The following SEMA3D variants were observed in gnomAD, a reference collection of about 807,000 sequenced individuals.
SEMA3D encodes the protein semaphorin 3D.
A neutral mutation model predicts 100.1 loss-of-function variants in SEMA3D; 84 were observed. That is an observed-to-expected ratio of 0.84 (90% CI 0.70 to 1.01). SEMA3D has a LOEUF of 1.01. Ranked by LOEUF, SEMA3D falls within the 50% of genes least tolerant of loss-of-function variation. The pLI is 0.00. For missense variants in SEMA3D, 875 were observed against 934.1 expected (o/e 0.94, Z 0.82); for synonymous variants, 312 against 320.7 (o/e 0.97, Z 0.29).
At chr7:85,128,794 G>C (rs529264377) in intron 2 of SEMA3D, among the ~76,000 whole-genome samples, 2 of 150,684 alleles carry the variant, frequency 1.3e-5, no homozygotes, top group African/African-American at 2.4e-5. Context: ...GTGGCTCCAT[G>C]GTCTCTGTAT....
chr7:85,142,741 T>C (rs1790092322), intron 2 of SEMA3D: 4 of 984,358 alleles, frequency 4.1e-6, no homozygotes, highest in African/African-American at 1.7e-5. Context: ...ATGGCTCCTC[T>C]TGCTTTTACA....
At chr7:85,102,757 A>C (rs1283810816) in intron 3 of SEMA3D, among the ~76,000 whole-genome samples, 1 of 151,962 alleles carries the variant, frequency 6.6e-6, no homozygotes, top group Non-Finnish European at 1.5e-5. Context: ...GAGGAGGAAA[A>C]TGTTTAAGAG....
At chr7:85,162,425 T>C (rs780162024) in intron 1 of SEMA3D, among the ~76,000 whole-genome samples, 2 of 152,204 alleles carry the variant, frequency 1.3e-5, no homozygotes, top group Non-Finnish European at 2.9e-5. Flanking sequence ...GCAGGTGACG[T>C]AGATCAGGTA....
At chr7:85,063,130 A>G (rs1278385623) in intron 8 of SEMA3D, among the ~76,000 whole-genome samples, 1 of 152,192 alleles carries the variant, frequency 6.6e-6, no homozygotes, top group East Asian at 1.9e-4. Context: ...CGCCCTGTGA[A>G]TAGATTCTAT....
the SEMA3D span, among the ~76,000 whole-genome samples, chr7:85,247,604 G>A: frequency 1.2e-3 from 176 of 152,152 alleles, 1 homozygote; most frequent in Non-Finnish European, 1.9e-3. Context: ...ACATTGAATA[G>A]GAAAAACAAA....
the SEMA3D span, among the ~76,000 whole-genome samples, chr7:85,196,245 A>T: frequency 6.6e-6 from 1 of 152,168 alleles, no homozygotes; most frequent in African/African-American, 2.4e-5. Flanking sequence ...TAATACAAAT[A>T]TAATAAAAGT....
At chr7:85,070,879 C>A (rs570306949) in intron 6 of SEMA3D, among the ~76,000 whole-genome samples, 1 of 152,294 alleles carries the variant, frequency 6.6e-6, no homozygotes, top group South Asian at 2.1e-4. Context: ...CTCCCGAGTT[C>A]AAACAATTTT....
intron 2 of SEMA3D, among the ~76,000 whole-genome samples, chr7:85,122,201 G>A (rs1009115169): frequency 6.8e-6 from 1 of 147,480 alleles, no homozygotes. Context: ...AAACCTGCAC[G>A]TTTTGCACAT....
the SEMA3D span, among the ~76,000 whole-genome samples, chr7:85,226,306 G>A: frequency 6.6e-6 from 1 of 152,046 alleles, no homozygotes; most frequent in Non-Finnish European, 1.5e-5. Flanking sequence ...TGTTTTTGAG[G>A]TTTGACAAAA....
the SEMA3D span, among the ~76,000 whole-genome samples, chr7:85,206,497 C>T: frequency 1.3e-5 from 2 of 152,088 alleles, no homozygotes; most frequent in East Asian, 3.9e-4. Context: ...GAAATTATTT[C>T]GAAAACACTC....
At position 85,033,223 on chromosome 7, in the gene SEMA3D, T is replaced by C. The variant is rs568459906; in HGVS notation, c.1191+3666A>G. On this transcript the variant is annotated intron_variant, in intron 12 of 18. Transcript: ENST00000284136. Reference sequence around the variant, plus strand: ...TACAGCATAAAGACTATATTCTGAGTAGTCGGCAGAAGAGACCAGTATGTT... The same window carrying C: ...TACAGCATAAAGACTATATTCTGAGCAGTCGGCAGAAGAGACCAGTATGTT... 2.6e-5 allele frequency among the ~76,000 whole-genome samples: 4 copies of C among 152,280 alleles called. No homozygotes were observed. In the South Asian group the frequency reaches 8.3e-4, roughly 32 times the overall value.
At chr7:85,007,437 A>G (rs1789831255) in intron 17 of SEMA3D, among the ~76,000 whole-genome samples, 1 of 151,844 alleles carries the variant, frequency 6.6e-6, no homozygotes, top group Non-Finnish European at 1.5e-5. Context: ...TCTGCACCTG[A>G]CAAAATTCTA....
At chr7:85,000,649 T>C in intron 18 of SEMA3D, among the ~76,000 whole-genome samples, 1 of 152,230 alleles carries the variant, frequency 6.6e-6, no homozygotes, top group Non-Finnish European at 1.5e-5. Flanking sequence ...GACATGGTAA[T>C]GTGATTTCAA....
At chr7:85,131,222 T>C (rs1789716642) in intron 2 of SEMA3D, among the ~76,000 whole-genome samples, 1 of 152,030 alleles carries the variant, frequency 6.6e-6, no homozygotes, top group African/African-American at 2.4e-5. Context: ...TTCAGGAAAA[T>C]ACTATATAAC....
intron 18 of SEMA3D, among the ~76,000 whole-genome samples, chr7:85,000,621 C>T (rs573085834): frequency 6.6e-6 from 1 of 152,254 alleles, no homozygotes; most frequent in South Asian, 2.1e-4. Flanking sequence ...AAATATTTGC[C>T]ATGCCTTTGT....
intron 1 of SEMA3D, among the ~76,000 whole-genome samples, chr7:85,179,191 G>C (rs1035738727): frequency 6.6e-6 from 1 of 152,186 alleles, no homozygotes; most frequent in Non-Finnish European, 1.5e-5. Context: ...GTAGTGGCCA[G>C]AGCCTCCTGT....
chr7:85,059,316 C>T (rs573660906), intron 8 of SEMA3D, among the ~76,000 whole-genome samples: 72 of 151,982 alleles, frequency 4.7e-4, no homozygotes, highest in African/African-American at 1.5e-3. Flanking sequence ...TATATGGGGG[C>T]GTGGGGAATT....
intron 2 of SEMA3D, among the ~76,000 whole-genome samples, chr7:85,152,103 G>A (rs1261772448): frequency 6.6e-6 from 1 of 151,646 alleles, no homozygotes; most frequent in East Asian, 1.9e-4. Flanking sequence ...TTGTTTTTAT[G>A]TTTTATTTTA....
intron 2 of SEMA3D, among the ~76,000 whole-genome samples, chr7:85,122,360 G>T (rs1789450732): frequency 6.6e-6 from 1 of 152,100 alleles, no homozygotes; most frequent in Non-Finnish European, 1.5e-5. Flanking sequence ...TTATAGAAAT[G>T]AATCAGAACT....
Sources: allele counts gnomAD v4.1 joint callset (sites outside exome capture counted in the v4.1 genomes callset), GRCh38; gene constraint gnomAD v4.1.1; transcripts MANE v1.5; gene names NCBI Gene and HGNC (gene_info 2026-07-23, HGNC 2026-07-21).